MED12L: variants seen among roughly 807,000 people sequenced by gnomAD.
The protein encoded by MED12L is mediator complex subunit 12L, also known as mediator of RNA polymerase II transcription subunit 12-like protein.
Under a neutral mutation model 281.3 loss-of-function variants are expected in MED12L, and 60 were observed. The ratio of observed to expected loss-of-function variants is 0.21; its 90% CI spans 0.17 to 0.26. The LOEUF (loss-of-function observed/expected upper bound fraction) is 0.26. Among genes scored for constraint, MED12L ranks in the 10% least tolerant of loss-of-function variants. The pLI, the probability that MED12L is intolerant of heterozygous loss-of-function variation, is 1.00. For synonymous variants in MED12L, 974 were observed against 987.2 expected (o/e 0.99, Z 0.25); for missense variants, 2,146 against 2,680.9 (o/e 0.80, Z 4.41).
chr3:151,257,744 A>G (rs964277206), intron 16 of MED12L, among the ~76,000 whole-genome samples: 5 of 152,214 alleles, frequency 3.3e-5, no homozygotes, highest in African/African-American at 1.2e-4. Flanking sequence ...TAAACATGGT[A>G]TTTATGGAGC....
intron 12 of MED12L, among the ~76,000 whole-genome samples, chr3:151,187,297 T>C (rs1723410741): frequency 6.6e-6 from 1 of 152,210 alleles, no homozygotes; most frequent in Non-Finnish European, 1.5e-5. Flanking sequence ...ATTGCATATG[T>C]GTTTTTTTAC....
At chr3:151,249,036 T>C (rs548654349) in intron 16 of MED12L, 97 of 152,344 alleles carry the variant, frequency 6.4e-4, no homozygotes, top group African/African-American at 2.2e-3. Flanking sequence ...CTCTGAAATA[T>C]TGACATCTCG....
At chr3:151,100,822 C>T (rs186869444) in intron 2 of MED12L, among the ~76,000 whole-genome samples, 2 of 152,242 alleles carry the variant, frequency 1.3e-5, no homozygotes, top group African/African-American at 4.8e-5. Context: ...ATTATATTTT[C>T]GTTTACTTAG....
chr3:151,093,875 A>AG (rs1253441010), intron 2 of MED12L, among the ~76,000 whole-genome samples: 10 of 152,208 alleles, frequency 6.6e-5, no homozygotes, highest in African/African-American at 2.2e-4. Context: ...GCTGTCAGTT[A>AG]GGGGTACAAC....
chr3:151,206,801 C>G (rs1047180359), intron 16 of MED12L, among the ~76,000 whole-genome samples: 1 of 151,432 alleles, frequency 6.6e-6, no homozygotes, highest in Admixed American at 6.6e-5. Flanking sequence ...CCCACCACCA[C>G]GCCCAGCTAA....
chr3:151,095,362 T>C (rs989408954), intron 2 of MED12L, among the ~76,000 whole-genome samples: 9 of 152,288 alleles, frequency 5.9e-5, no homozygotes, highest in East Asian at 1.9e-4. Context: ...ATTAGAGATA[T>C]AGTCTTGCTC....
intron 5 of MED12L, among the ~76,000 whole-genome samples, chr3:151,135,697 G>A (rs1157087123): frequency 1.3e-5 from 2 of 152,148 alleles, no homozygotes; most frequent in African/African-American, 2.4e-5. Context: ...GCCACTGGAG[G>A]CAACAAGCAT....
At chr3:151,407,225 T>C (rs1434710278) in intron 39 of MED12L, among the ~76,000 whole-genome samples, 3 of 152,220 alleles carry the variant, frequency 2.0e-5, no homozygotes, top group Non-Finnish European at 4.4e-5. Flanking sequence ...ATAATGTGTT[T>C]CATAAAGTTC....
intron 16 of MED12L, among the ~76,000 whole-genome samples, chr3:151,264,800 A>T (rs1739528962): frequency 6.6e-6 from 1 of 152,044 alleles, no homozygotes; most frequent in Admixed American, 6.5e-5. Context: ...GTCTCATCAC[A>T]CTTAGAAAAC....
At chr3:151,169,469 A>G (rs1721154557) in intron 11 of MED12L, among the ~76,000 whole-genome samples, 1 of 152,066 alleles carries the variant, frequency 6.6e-6, no homozygotes, top group Non-Finnish European at 1.5e-5. Context: ...GAATTCATGC[A>G]TGTGCTGCAG....
chr3:151,285,753 G>T, intron 16 of MED12L, among the ~76,000 whole-genome samples: 1 of 152,106 alleles, frequency 6.6e-6, no homozygotes. Flanking sequence ...AAGAGGTGGG[G>T]CCTTTGGGAG....
intron 43 of MED12L, among the ~76,000 whole-genome samples, chr3:151,424,656 A>T (rs1159286702): frequency 2.0e-5 from 3 of 152,048 alleles, no homozygotes; most frequent in African/African-American, 7.2e-5. Context: ...AAAAAACTCT[A>T]TGCAAGTTAC....
At chr3:151,362,464 T>C (rs1754728888) in intron 21 of MED12L, among the ~76,000 whole-genome samples, 1 of 152,076 alleles carries the variant, frequency 6.6e-6, no homozygotes, top group African/African-American at 2.4e-5. Context: ...TTGTGATACT[T>C]GTCCTCAGTT....
At chr3:151,198,356 T>TTTTTTTTAA in intron 16 of MED12L, 1 of 1,131,176 alleles carries the variant, frequency 8.8e-7, no homozygotes, top group Non-Finnish European at 1.2e-6. Flanking sequence ...TTTTTTTTTT[T>TTTTTTTTAA]ATCTTTCAAA....
At chr3:151,264,717 A>G (rs1223532843) in intron 16 of MED12L, among the ~76,000 whole-genome samples, 1 of 152,188 alleles carries the variant, frequency 6.6e-6, no homozygotes, top group East Asian at 1.9e-4. Context: ...AAGGAGCTCT[A>G]AAAACACAAA....
intron 16 of MED12L, among the ~76,000 whole-genome samples, chr3:151,270,892 CCTGT>C (rs1387475155): frequency 2.3e-4 from 35 of 152,128 alleles, no homozygotes; most frequent in Non-Finnish European, 3.7e-4. Context: ...TACTTTTGTA[CCTGT>C]CTATTTTAAA....
chr3:151,210,542 A>G (rs968919753), intron 16 of MED12L, among the ~76,000 whole-genome samples: 1 of 152,220 alleles, frequency 6.6e-6, no homozygotes, highest in South Asian at 2.1e-4. Context: ...TTTTATAAAA[A>G]CACCTTAAAA....
chr3:151,106,122 C>T (rs747430379), intron 2 of MED12L, among the ~76,000 whole-genome samples: 1 of 152,128 alleles, frequency 6.6e-6, no homozygotes, highest in Non-Finnish European at 1.5e-5. Flanking sequence ...AATCCCCTTA[C>T]CCTCAGCCTC....
chr3:151,425,566 TTGTGTGTG>T (rs149475948), intron 43 of MED12L: 5 of 383,912 alleles, frequency 1.3e-5, no homozygotes, highest in African/African-American at 6.3e-5. Context: ...TTGTTTTTGT[TTGTGTGTG>T]TGTGTGTGTG....
Sources: gnomAD v4.1 joint callset for allele counts (sites outside exome capture counted in the v4.1 genomes callset) on GRCh38, gnomAD v4.1.1 for gene constraint, MANE v1.5 for transcripts, NCBI Gene and HGNC (gene_info 2026-07-23, HGNC 2026-07-21) for gene names.